The following FAM168A variants were observed in gnomAD, a reference collection of about 807,000 sequenced individuals.
FAM168A encodes the protein family with sequence similarity 168 member A.
Under a neutral mutation model 28.5 loss-of-function variants are expected in FAM168A, and 3 were observed. The observed-to-expected ratio is 0.11, with a 90% confidence interval of 0.05 to 0.27. The LOEUF is 0.27. Ranked by LOEUF, FAM168A falls within the 10% of genes least tolerant of loss-of-function variation. FAM168A has a pLI of 1.00. For missense variants in FAM168A, 222 were observed against 311.5 expected (o/e 0.71, Z 2.16); for synonymous variants, 122 against 124.2 (o/e 0.98, Z 0.12).
intron 2 of FAM168A, among the ~76,000 whole-genome samples, chr11:73,443,929 G>C (rs1019834883): frequency 2.0e-5 from 3 of 152,154 alleles, no homozygotes; most frequent in Non-Finnish European, 4.4e-5. Context: ...TAAGTTCAGA[G>C]CAAGCCCTAA....
At chr11:73,569,412 C>T (rs771447485) in intron 1 of FAM168A, among the ~76,000 whole-genome samples, 1 of 152,144 alleles carries the variant, frequency 6.6e-6, no homozygotes, top group African/African-American at 2.4e-5. Flanking sequence ...GAATTTTGCT[C>T]GTTGGATTTG....
intron 1 of FAM168A, chr11:73,510,632 C>T (rs897299794): frequency 8.2e-5 from 23 of 281,818 alleles, no homozygotes; most frequent in South Asian, 5.0e-4. Flanking sequence ...AGTACTAGCC[C>T]GTTCATGAGG....
At chr11:73,449,142 T>A (rs927072961) in intron 2 of FAM168A, among the ~76,000 whole-genome samples, 21 of 151,502 alleles carry the variant, frequency 1.4e-4, no homozygotes, top group Non-Finnish European at 2.4e-4. Context: ...AATTTAAAAA[T>A]TTTTTTTTGG....
chr11:73,433,110 A>G (rs1205819039), intron 2 of FAM168A, among the ~76,000 whole-genome samples: 11 of 67,606 alleles, frequency 1.6e-4, no homozygotes, highest in Non-Finnish European at 2.5e-4. Flanking sequence ...TTTTTTGTAG[A>G]GACGGGGGTC....
intron 1 of FAM168A, among the ~76,000 whole-genome samples, chr11:73,583,849 A>G (rs1435861022): frequency 6.6e-6 from 1 of 152,210 alleles, no homozygotes; most frequent in Admixed American, 6.5e-5. Flanking sequence ...AGGATCTTGA[A>G]CTACCTCAGA....
intron 2 of FAM168A, among the ~76,000 whole-genome samples, chr11:73,432,480 A>C (rs1356819802): frequency 6.6e-6 from 1 of 152,078 alleles, no homozygotes; most frequent in Non-Finnish European, 1.5e-5. Flanking sequence ...TCCTATAGTA[A>C]GTGTGAAGTG....
Position 73,580,015 on chromosome 11 carries a change from T to C in FAM168A, c.-19+17908A>G, listed in dbSNP as rs1944224934. 2.0e-5 allele frequency among the ~76,000 whole-genome samples: 3 copies of C among 152,354 alleles called. No homozygotes were observed. In the South Asian group the frequency reaches 6.2e-4, roughly 32 times the overall value. On this transcript the variant is annotated intron_variant, in intron 1 of 7. Transcript: ENST00000356467. ...TATTTGCCTTGATACATGTTTATAG[T>C]GTTAGCACTTCATAAATGATGTCTA...
intron 1 of FAM168A, among the ~76,000 whole-genome samples, chr11:73,581,582 T>A (rs961003599): frequency 3.3e-5 from 5 of 152,142 alleles, no homozygotes; most frequent in African/African-American, 1.2e-4. Flanking sequence ...TCCAGAATTG[T>A]CCACACATAA....
chr11:73,501,858 T>C (rs1855015257), intron 1 of FAM168A, among the ~76,000 whole-genome samples: 1 of 151,920 alleles, frequency 6.6e-6, no homozygotes, highest in South Asian at 2.1e-4. Flanking sequence ...TCCCAGCACT[T>C]TGGGAGGCCA....
At chr11:73,487,245 G>C (rs1354293168) in intron 1 of FAM168A, among the ~76,000 whole-genome samples, 1 of 152,014 alleles carries the variant, frequency 6.6e-6, no homozygotes, top group Admixed American at 6.6e-5. Context: ...CTCAAGGTTA[G>C]CAAAATCCTC....
intron 1 of FAM168A, among the ~76,000 whole-genome samples, chr11:73,500,103 C>T (rs1421431024): frequency 6.6e-6 from 1 of 152,076 alleles, no homozygotes; most frequent in African/African-American, 2.4e-5. Flanking sequence ...GAAGGAAAAA[C>T]TGTTAGGGCA....
chr11:73,530,365 T>C (rs560039444), intron 1 of FAM168A, among the ~76,000 whole-genome samples: 1 of 152,274 alleles, frequency 6.6e-6, no homozygotes, highest in East Asian at 1.9e-4. Flanking sequence ...CGATAGAGGG[T>C]GCTGGAAGGA....
chr11:73,410,883 C>T (rs1234974560), intron 5 of FAM168A, among the ~76,000 whole-genome samples: 1 of 152,100 alleles, frequency 6.6e-6, no homozygotes, highest in East Asian at 1.9e-4. Context: ...CCAGAAAGGC[C>T]CATCAGGCAC....
chr11:73,469,817 T>C lies in FAM168A; in HGVS notation c.-18-1325A>G, dbSNP rs564389286. Among the ~76,000 whole-genome samples, 4 of 152,322 alleles carry C rather than the reference T, an allele frequency of 2.6e-5. No homozygotes were observed. In the South Asian group the frequency reaches 6.2e-4, roughly 24 times the overall value. ...TCACAGCCAGAGTTATCTAAAAATA[T>C]ACCCAAGTAACATACACTCTCTCTC... On this transcript the variant is annotated intron_variant, in intron 1 of 7. Transcript: ENST00000356467.
chr11:73,475,089 C>T, intron 1 of FAM168A, among the ~76,000 whole-genome samples: 1 of 152,146 alleles, frequency 6.6e-6, no homozygotes, highest in Admixed American at 6.5e-5. Context: ...TCCTGCTACC[C>T]TCAAAACATC....
At chr11:73,422,365 G>A (rs1465178830) in intron 3 of FAM168A, among the ~76,000 whole-genome samples, 4 of 151,674 alleles carry the variant, frequency 2.6e-5, no homozygotes, top group African/African-American at 4.9e-5. Context: ...AGTGTTTTCC[G>A]TACGCCTCTG....
intron 1 of FAM168A, among the ~76,000 whole-genome samples, chr11:73,572,489 AAAG>A (rs1188689746): frequency 6.6e-6 from 1 of 151,718 alleles, no homozygotes; most frequent in Non-Finnish European, 1.5e-5. Context: ...GTCTGTGTAG[AAAG>A]AAGTAGACAT....
At chr11:73,431,429 C>T (rs2134512360) in intron 2 of FAM168A, among the ~76,000 whole-genome samples, 1 of 151,526 alleles carries the variant, frequency 6.6e-6, no homozygotes, top group East Asian at 1.9e-4. Flanking sequence ...ACATTCCTGC[C>T]GCACTACTCT....
intron 2 of FAM168A, among the ~76,000 whole-genome samples, chr11:73,435,185 T>C (rs1318757130): frequency 6.6e-6 from 1 of 152,266 alleles, no homozygotes. Context: ...TTCATCTCTT[T>C]ACCCCCTGAT....
Sources: gnomAD v4.1 joint callset for allele counts (sites outside exome capture counted in the v4.1 genomes callset) on GRCh38, gnomAD v4.1.1 for gene constraint, MANE v1.5 for transcripts, NCBI Gene and HGNC (gene_info 2026-07-23, HGNC 2026-07-21) for gene names.